The following TSPAN12 variants were observed in gnomAD, a reference collection of about 807,000 sequenced individuals.
The protein encoded by TSPAN12 is tetraspanin-12.
Under a neutral mutation model 39.2 loss-of-function variants are expected in TSPAN12, and 19 were observed. The ratio of observed to expected loss-of-function variants is 0.49; its 90% CI spans 0.34 to 0.71. The LOEUF is 0.71. Among genes scored for constraint, TSPAN12 ranks in the 30% least tolerant of loss-of-function variants. The pLI is 0.01. For synonymous variants in TSPAN12, 119 were observed against 124.8 expected (o/e 0.95, Z 0.31); for missense variants, 314 against 359.9 (o/e 0.87, Z 1.03).
At chr7:120,795,283 T>A (rs1230948455) in intron 7 of TSPAN12, among the ~76,000 whole-genome samples, 1 of 152,230 alleles carries the variant, frequency 6.6e-6, no homozygotes, top group Non-Finnish European at 1.5e-5. Flanking sequence ...TGCAAAGGTA[T>A]GAATAAGACA....
chr7:120,792,409 C>T (rs1793545870), intron 7 of TSPAN12, among the ~76,000 whole-genome samples: 2 of 152,194 alleles, frequency 1.3e-5, no homozygotes, highest in Admixed American at 1.3e-4. Flanking sequence ...CTGAGGCTGC[C>T]TGAGGCAGTT....
intron 2 of TSPAN12, among the ~76,000 whole-genome samples, chr7:120,847,661 C>T (rs1269796283): frequency 3.3e-5 from 5 of 152,208 alleles, no homozygotes; most frequent in Admixed American, 1.3e-4. Flanking sequence ...GGCAAGGCGT[C>T]GGGTGAATTC....
rs1794911911 is a variant in TSPAN12 at position 120,858,078 on chromosome 7, C to G, written c.-329G>C. 6.6e-6 allele frequency: 1 copy of G among 152,256 alleles called. No homozygotes were observed. The highest frequency in any genetic ancestry group is 1.9e-4 in the East Asian group (1 of 5,186). The allele number at this position is 152,256 out of a possible 1,614,324, so 9.4% of individuals were successfully genotyped here. Reference sequence around the variant, plus strand: ...CACCTCCCAGCGCCGCTGTCCCTCCCAAGTCCTCTCCGAGTCCGGACGAGG... The same window carrying G: ...CACCTCCCAGCGCCGCTGTCCCTCCGAAGTCCTCTCCGAGTCCGGACGAGG... On this transcript the variant is annotated 5_prime_UTR_variant, in exon 1 of 8. Transcript: ENST00000222747.
At chr7:120,830,859 T>C (rs931334700) in intron 4 of TSPAN12, among the ~76,000 whole-genome samples, 4 of 151,918 alleles carry the variant, frequency 2.6e-5, no homozygotes, top group Admixed American at 2.0e-4. Flanking sequence ...GTGAAACCCA[T>C]TGATTAGGAG....
chr7:120,830,118 A>T (rs1794363117), intron 4 of TSPAN12, among the ~76,000 whole-genome samples: 1 of 152,160 alleles, frequency 6.6e-6, no homozygotes, highest in Non-Finnish European at 1.5e-5. Context: ...TATGCTGAAA[A>T]TTATAAAATA....
intron 7 of TSPAN12, among the ~76,000 whole-genome samples, chr7:120,801,261 G>A (rs763331100): frequency 5.9e-5 from 9 of 152,042 alleles, no homozygotes; most frequent in Non-Finnish European, 8.8e-5. Context: ...GCCAAGACTC[G>A]GAGAAAAACG....
Position 120,852,644 on chromosome 7 carries a change from T to C in TSPAN12, c.66+4054A>G, listed in dbSNP as rs12669003. ...CTCTGAGGTTTTAGAAGCACTGTTCTAGAGAACTTGGAATGAGCAGGTGGA... is the reference window on the plus strand; with the variant it reads ...CTCTGAGGTTTTAGAAGCACTGTTCCAGAGAACTTGGAATGAGCAGGTGGA... On this transcript the variant is annotated intron_variant, in intron 2 of 7. Transcript: ENST00000222747. Among the ~76,000 whole-genome samples, 1,112 of 152,352 alleles carry C rather than the reference T, an allele frequency of 7.3e-3. 10 individuals are homozygous for C. Among genetic ancestry groups the C allele is most frequent in the East Asian group, 0.036 (185 of 5,186 alleles).
intron 7 of TSPAN12, among the ~76,000 whole-genome samples, chr7:120,803,116 A>C (rs1793805982): frequency 6.6e-6 from 1 of 152,150 alleles, no homozygotes. Context: ...TCTGACCTTG[A>C]CTTCAATATT....
intron 4 of TSPAN12, among the ~76,000 whole-genome samples, chr7:120,827,319 A>C (rs926725480): frequency 6.6e-6 from 1 of 152,226 alleles, no homozygotes; most frequent in Non-Finnish European, 1.5e-5. Context: ...AAATCCACAT[A>C]TATAAATATG....
In TSPAN12 at chr7:120,805,498, C is replaced by T. The variant is rs147031590; in HGVS notation, c.612+1051G>A. 9.6e-3 allele frequency among the ~76,000 whole-genome samples: 1,457 copies of T among 152,018 alleles called. 15 individuals carry two copies. The highest frequency in any genetic ancestry group is 0.05 in the South Asian group (240 of 4,816). On this transcript the variant is annotated intron_variant, in intron 7 of 7. Coordinates refer to ENST00000222747, the MANE Select transcript of TSPAN12 (RefSeq NM_012338.4). ...GTTTTAAATTTTCATTCTTTATAGC[C>T]CTACTATATATACATGAGTTATATT...
At chr7:120,811,873 A>T (rs1474530138) in intron 5 of TSPAN12, among the ~76,000 whole-genome samples, 1 of 152,048 alleles carries the variant, frequency 6.6e-6, no homozygotes, top group Non-Finnish European at 1.5e-5. Context: ...CCATAAGAAT[A>T]ATACAATGGA....
intron 2 of TSPAN12, among the ~76,000 whole-genome samples, chr7:120,852,069 T>C (rs73427818): frequency 0.012 from 1,779 of 152,220 alleles, 30 homozygotes; most frequent in African/African-American, 0.039. Flanking sequence ...TTACATTTTT[T>C]AAAAAGTACT....
chr7:120,812,658 C>G (rs1251499292), intron 5 of TSPAN12, among the ~76,000 whole-genome samples: 1 of 151,844 alleles, frequency 6.6e-6, no homozygotes, highest in African/African-American at 2.4e-5. Flanking sequence ...ATTTTTTTCC[C>G]CCAAATAATG....
intron 2 of TSPAN12, among the ~76,000 whole-genome samples, chr7:120,848,410 A>G (rs1794712179): frequency 6.6e-6 from 1 of 152,194 alleles, no homozygotes; most frequent in South Asian, 2.1e-4. Flanking sequence ...GAAAATAATT[A>G]AATTAAAGGG....
intron 2 of TSPAN12, among the ~76,000 whole-genome samples, chr7:120,854,588 T>C (rs1794835065): frequency 6.6e-6 from 1 of 152,234 alleles, no homozygotes; most frequent in African/African-American, 2.4e-5. Flanking sequence ...TTAGCTATTT[T>C]GTATGTTAGT....
rs145147430 is a variant in TSPAN12 at position 120,816,252 on chromosome 7, A to G, written c.286-449T>C. ...CCTTTGCATTCTTGGAAAAAGCACA[A>G]CATAGAACAAAATCTCAACTACTGT... On this transcript the variant is annotated intron_variant, in intron 4 of 7. Transcript: ENST00000222747. Among the ~76,000 whole-genome samples the G allele has an allele frequency of 7.9e-5, 12 of 152,252 alleles. No homozygotes were observed. The East Asian group carries it at 2.1e-3, about 27-fold the overall frequency.
intron 7 of TSPAN12, among the ~76,000 whole-genome samples, chr7:120,799,571 T>A (rs1245995301): frequency 3.7e-5 from 4 of 108,608 alleles, no homozygotes; most frequent in Non-Finnish European, 7.1e-5. Context: ...TATAATTATT[T>A]ATATAATTAT....
chr7:120,834,172 C>A (rs1052872768), intron 4 of TSPAN12, among the ~76,000 whole-genome samples: 1 of 152,026 alleles, frequency 6.6e-6, no homozygotes, highest in African/African-American at 2.4e-5. Flanking sequence ...ATACCTATGT[C>A]CATTTAAATT....
At chr7:120,788,953 A>G in intron 7 of TSPAN12, 56 bp from the exon 8 acceptor site, 2 of 1,573,054 alleles carry the variant, frequency 1.3e-6, no homozygotes, top group South Asian at 1.1e-5. Context: ...AAGGCCAAAA[A>G]TAGTTAATGA....
Sources: gnomAD v4.1 joint callset for allele counts (sites outside exome capture counted in the v4.1 genomes callset) on GRCh38, gnomAD v4.1.1 for gene constraint, MANE v1.5 for transcripts, NCBI Gene and HGNC (gene_info 2026-07-23, HGNC 2026-07-21) for gene names.